The following CD3D variants were observed in gnomAD, a reference collection of about 807,000 sequenced individuals.
CD3D encodes the protein CD3 delta subunit of T-cell receptor complex, also known as T-cell surface glycoprotein CD3 delta chain.
Under a neutral mutation model 22.0 loss-of-function variants are expected in CD3D, and 22 were observed. The observed-to-expected ratio is 1.00, with a 90% CI of 0.71 to 1.43. CD3D has a LOEUF of 1.43. CD3D is among the 40% of genes most tolerant of loss of function. The pLI is 0.00. For missense variants in CD3D, 205 were observed against 211.7 expected (o/e 0.97, Z 0.20); for synonymous variants, 74 against 81.2 (o/e 0.91, Z 0.48).
chr11:118,341,335 G>A (rs1948298258), intron 1 of CD3D, among the ~76,000 whole-genome samples: 1 of 152,198 alleles, frequency 6.6e-6, no homozygotes, highest in Non-Finnish European at 1.5e-5. Context: ...CTGGAGGTGA[G>A]TGCAGCAACA....
At position 118,339,483 on chromosome 11, in the gene CD3D, G is replaced by T. The variant is rs201126605; in HGVS notation, c.418C>A (p.Gln140Lys). 73 of 1,614,104 alleles carry T rather than the reference G, an allele frequency of 4.5e-5. No homozygotes were observed. The East Asian group carries it at 1.2e-3, about 27-fold the overall frequency. The change falls in exon 4 of 5, where the codon CAA (glutamine) becomes AAA (lysine). Residue 140 changes from glutamine (Q) to lysine (K), a missense_variant. Gln to Lys is a moderately conservative substitution (Grantham distance 53). Coordinates refer to ENST00000300692, the MANE Select transcript of CD3D (RefSeq NM_000732.6). Reference sequence around the variant, plus strand: ...ACCTGGTCATTCCTCAACAGAGCTTGTGTGTCGGCAGCTAGAAGAACCAGA... The same window carrying T: ...ACCTGGTCATTCCTCAACAGAGCTTTTGTGTCGGCAGCTAGAAGAACCAGA... ...TGRLSGAADT[Q>K]ALLRNDQVYQ... is the part of the protein sequence containing the mutation.
intron 3 of CD3D, 28 bp downstream of exon 3, chr11:118,339,747 C>T (rs200915671): frequency 6.2e-7 from 1 of 1,608,122 alleles, no homozygotes; most frequent in Non-Finnish European, 8.5e-7. Context: ...CACACAAACA[C>T]ACTCTCATGC....
At chr11:118,340,830 T>A in intron 1 of CD3D, 1 of 660,984 alleles carries the variant, frequency 1.5e-6, no homozygotes, top group Non-Finnish European at 2.8e-6. Flanking sequence ...GGGGCCTTGG[T>A]GCAAAAGAGG....
chr11:118,340,462 GT>G lies in CD3D; in HGVS notation c.186del (p.Lys62AsnfsTer82). On this transcript the variant is annotated frameshift_variant, in exon 2 of 5. Coordinates refer to ENST00000300692, the MANE Select transcript of CD3D (RefSeq NM_000732.6). LOFTEE classifies it high-confidence loss of function. ...LSDITRLDLGKRILDPRGIYR... is the reference protein window; with the variant it reads ...LSDITRLDLGXRILDPRGIYR... ...TATATTCCTCGTGGGTCCAGGATGC[GT>G]TTTCCCAGGTCCAGTCTTGTAATGT... 1 of 1,613,902 alleles carries G rather than the reference GT, an allele frequency of 6.2e-7. No individual in the cohort carries two copies. The highest frequency in any genetic ancestry group is 8.5e-7 in the Non-Finnish European group (1 of 1,179,898).
Position 118,340,413 on chromosome 11 carries a change from T to C in CD3D, c.236A>G (p.Tyr79Cys). ...TTGCACGGTAGATTCTTTGTCCTTG[T>C]ATATATCTGTCCCATTACACCTATA... ...GIYRCNGTDI[Y>C]KDKESTVQVH... Residue 79 changes from tyrosine (Y) to cysteine (C), a missense_variant, in exon 2 of 5, where the codon TAC becomes TGC. Tyr to Cys is a radical substitution (Grantham distance 194). Transcript: ENST00000300692. The C allele has an allele frequency of 2.5e-6, 4 of 1,614,110 alleles. No individual in the cohort carries two copies. Among genetic ancestry groups the C allele is most frequent in the Non-Finnish European group, 3.4e-6 (4 of 1,179,946 alleles).
At chr11:118,339,690 T>C in intron 3 of CD3D, 85 bp downstream of exon 3, 1 of 1,590,900 alleles carries the variant, frequency 6.3e-7, no homozygotes, top group Non-Finnish European at 8.6e-7. Context: ...ATTCCTTAGC[T>C]GGTGCATAAG....
chr11:118,342,132 A>C (rs1430642264), intron 1 of CD3D, among the ~76,000 whole-genome samples: 10 of 149,502 alleles, frequency 6.7e-5, no homozygotes, highest in Admixed American at 5.3e-4. Flanking sequence ...CCCTCCTGAC[A>C]CCCCTGGGGT....
chr11:118,340,880 A>G, intron 1 of CD3D: 1 of 607,660 alleles, frequency 1.6e-6, no homozygotes, highest in Non-Finnish European at 3.1e-6. Flanking sequence ...CTTCCTGGAA[A>G]TGAATCCAGA....
chr11:118,342,107 T>C (rs1183515919), intron 1 of CD3D, among the ~76,000 whole-genome samples: 3 of 151,866 alleles, frequency 2.0e-5, no homozygotes, highest in African/African-American at 7.3e-5. Context: ...GACTCTATGC[T>C]ACATCCTGCC....
In CD3D at chr11:118,342,647, C is replaced by G; in HGVS notation, c.-40G>C. ...CATCCAGTAGATAAAGCCAGGTCACCGAACTATCAGCCTGGGTGAGAGCTG... is the reference window on the plus strand; with the variant it reads ...CATCCAGTAGATAAAGCCAGGTCACGGAACTATCAGCCTGGGTGAGAGCTG... On this transcript the variant is annotated 5_prime_UTR_variant, in exon 1 of 5. Transcript: ENST00000300692. 2 of 1,587,196 alleles carry G rather than the reference C, an allele frequency of 1.3e-6. No homozygotes were observed.
At position 118,340,264 on chromosome 11, in the gene CD3D, C is replaced by T. The variant is rs1410845505; in HGVS notation, c.274+111G>A. The T allele has an allele frequency of 2.2e-5, 19 of 876,086 alleles. No individual in the cohort carries two copies. In the South Asian group the frequency reaches 2.5e-4, roughly 12 times the overall value. The allele number at this position is 876,086 out of a possible 1,614,324, so 54.3% of individuals were successfully genotyped here. A position where few individuals can be genotyped will look rare whatever the true frequency, so the allele number is the denominator to read the frequency against. ...CTGGCTTGTACCATTACAATAGTGA[C>T]CTCACTTTGTTTAGAGAACAGATGG... is the stretch of plus-strand genomic sequence containing the variant. On this transcript the variant is annotated intron_variant, in intron 2 of 4. Coordinates refer to ENST00000300692, the MANE Select transcript of CD3D (RefSeq NM_000732.6).
chr11:118,339,815 G>T lies in CD3D; in HGVS notation c.366C>A (p.Val122=), dbSNP rs775464526. 2.5e-6 allele frequency: 4 copies of T among 1,613,736 alleles called. No homozygotes were observed. Among genetic ancestry groups the T allele is most frequent in the Admixed American group, 3.3e-5 (2 of 59,946 alleles). Reference sequence around the variant, plus strand: ...CAGTCTCATGTCCAGCAAAGCAGAAGACTCCCAAAGCAAGGAGCAGAGTGG... The same window carrying T: ...CAGTCTCATGTCCAGCAAAGCAGAATACTCCCAAAGCAAGGAGCAGAGTGG... ...VIATLLLALG[V]FCFAGHETGR... is the part of the protein sequence containing the mutation. Residue 122 remains valine, a synonymous_variant, in exon 3 of 5, where the codon GTC becomes GTA. Transcript: ENST00000300692.
intron 1 of CD3D, 22 bp downstream of exon 1, chr11:118,342,531 C>G (rs774034809): frequency 1.2e-6 from 2 of 1,611,116 alleles, no homozygotes; most frequent in Non-Finnish European, 1.7e-6. Flanking sequence ...TCCCTTCCCC[C>G]ACCCACCTGG....
intron 4 of CD3D, 96 bp from the exon 5 acceptor site, chr11:118,339,323 C>T: frequency 6.7e-7 from 1 of 1,486,846 alleles, no homozygotes; most frequent in African/African-American, 1.4e-5. Flanking sequence ...CCTGCCTGAC[C>T]TCTCCAGTCA....
In CD3D at chr11:118,339,141, T is replaced by C; in HGVS notation, c.*21A>G. The stretch of plus-strand genomic sequence containing the variant: ...AGGTACAGTTGGTAATGGCTGCTTC[T>C]AGAAGCCACCAGTCTCAGGTTCACT... On this transcript the variant is annotated 3_prime_UTR_variant, in exon 5 of 5. Transcript: ENST00000300692. The C allele has an allele frequency of 6.2e-7, 1 of 1,609,124 alleles. No homozygotes were observed. Among genetic ancestry groups the C allele is most frequent in the Non-Finnish European group, 8.5e-7 (1 of 1,175,490 alleles).
intron 4 of CD3D, 25 bp downstream of exon 4, chr11:118,339,426 C>G: frequency 6.2e-7 from 1 of 1,613,446 alleles, no homozygotes; most frequent in Admixed American, 1.7e-5. Context: ...CCCTTCATTC[C>G]TGCCTCCTTC....
In CD3D at chr11:118,339,960, C is replaced by G; in HGVS notation, c.275-54G>C. On this transcript the variant is annotated intron_variant, in intron 2 of 4. Coordinates refer to ENST00000300692, the MANE Select transcript of CD3D (RefSeq NM_000732.6). Reference sequence around the variant, plus strand: ...GTTGAGAGCCTTTAAGATCAGGGAACCATCCTCTGCCTCCTAGGGCAACCC... The same window carrying G: ...GTTGAGAGCCTTTAAGATCAGGGAAGCATCCTCTGCCTCCTAGGGCAACCC... 6.2e-6 allele frequency: 10 copies of G among 1,608,722 alleles called. No individual in the cohort carries two copies. The South Asian group carries it at 9.9e-5, about 16-fold the overall frequency.
chr11:118,341,643 A>C (rs1948300986), intron 1 of CD3D, among the ~76,000 whole-genome samples: 1 of 152,168 alleles, frequency 6.6e-6, no homozygotes, highest in Non-Finnish European at 1.5e-5. Flanking sequence ...TCCAGTGGAA[A>C]TCCTGAGTGC....
chr11:118,339,206 C>T lies in CD3D; in HGVS notation c.472G>A (p.Ala158Thr). 2 of 1,614,012 alleles carry T rather than the reference C, an allele frequency of 1.2e-6. No individual in the cohort carries two copies. The highest frequency in any genetic ancestry group is 1.1e-5 in the South Asian group (1 of 91,058). Residue 158 changes from alanine to threonine, a missense_variant, in exon 5 of 5, where the codon GCT (alanine) becomes ACT (threonine). Coordinates refer to ENST00000300692, the MANE Select transcript of CD3D (RefSeq NM_000732.6). ...VYQPLRDRDD[A>T]QYSHLGGNWA... ...TTTCCTCCAAGGTGGCTGTACTGAG[C>T]ATCATCTCGATCTCGGAGGGGCTAA...
Sources: allele counts gnomAD v4.1 joint callset (sites outside exome capture counted in the v4.1 genomes callset), GRCh38; gene constraint gnomAD v4.1.1; transcripts MANE v1.5; gene names NCBI Gene and HGNC (gene_info 2026-07-23, HGNC 2026-07-21).